COL4A1: variants seen among roughly 807,000 people sequenced by gnomAD.
COL4A1 encodes the protein collagen type IV alpha 1 chain, also known as collagen alpha-1(IV) chain.
A neutral mutation model predicts 216.6 loss-of-function variants in COL4A1; 40 were observed. That is an observed-to-expected ratio of 0.18 (90% CI 0.14 to 0.24). The LOEUF (loss-of-function observed/expected upper bound fraction) is 0.24. Ranked by LOEUF, COL4A1 falls within the 10% of genes least tolerant of loss-of-function variation. The pLI, the probability that COL4A1 is intolerant of heterozygous loss-of-function variation, is 1.00. For synonymous variants in COL4A1, 839 were observed against 810.7 expected (o/e 1.03, Z -0.59); for missense variants, 1,628 against 2,196.8 (o/e 0.74, Z 5.18).
intron 18 of COL4A1, 34 bp downstream of exon 18, chr13:110,203,532 C>T (rs1879340915): frequency 1.2e-6 from 2 of 1,613,544 alleles, no homozygotes; most frequent in African/African-American, 1.3e-5. Context: ...TCCCCCAGCG[C>T]TCTCACAGAC....
intron 2 of COL4A1, among the ~76,000 whole-genome samples, chr13:110,237,042 G>A (rs1490290512): frequency 1.3e-5 from 2 of 152,102 alleles, no homozygotes; most frequent in Non-Finnish European, 1.5e-5. Flanking sequence ...GTCTGCCCAG[G>A]GCCCCAGAGG....
Position 110,208,801 on chromosome 13 carries a change from G to C in COL4A1, c.693+48C>G, listed in dbSNP as rs548391358. The C allele has an allele frequency of 5.1e-6, 8 of 1,575,380 alleles. No individual in the cohort carries two copies. The South Asian group carries it at 8.9e-5, about 17-fold the overall frequency. On this transcript the variant is annotated intron_variant, in intron 12 of 51. Transcript: ENST00000375820. The stretch of plus-strand genomic sequence containing the variant: ...TCCAAAGGTGGGAACTGTCAGGTGA[G>C]GACTGTGGTTTTCAACATGAAAGCA...
intron 2 of COL4A1, among the ~76,000 whole-genome samples, chr13:110,219,528 G>A (rs1280275154): frequency 6.6e-6 from 1 of 151,764 alleles, no homozygotes; most frequent in East Asian, 1.9e-4. Flanking sequence ...TGAATATCAG[G>A]AAATGTGTGC....
chr13:110,193,977 C>G (rs890415015), intron 22 of COL4A1, among the ~76,000 whole-genome samples: 1 of 152,122 alleles, frequency 6.6e-6, no homozygotes, highest in South Asian at 2.1e-4. Flanking sequence ...TGGGAAGACT[C>G]GAGAAGACAG....
At chr13:110,265,953 A>G (rs1883011851) in intron 1 of COL4A1, 1 of 152,070 alleles carries the variant, frequency 6.6e-6, no homozygotes, top group Admixed American at 6.6e-5. Flanking sequence ...GATGCCTGCA[A>G]GTGTGTGAGG....
chr13:110,306,116 C>G (rs982113940), intron 1 of COL4A1, among the ~76,000 whole-genome samples: 3 of 152,078 alleles, frequency 2.0e-5, no homozygotes, highest in Non-Finnish European at 4.4e-5. Flanking sequence ...CAGGCTTGTC[C>G]ACGGCTGGAA....
chr13:110,189,189 G>A (rs76352948), intron 24 of COL4A1, among the ~76,000 whole-genome samples: 4 of 152,246 alleles, frequency 2.6e-5, no homozygotes, highest in East Asian at 1.9e-4. Flanking sequence ...TCAGCCTTCC[G>A]AGCAGCTGGG....
intron 38 of COL4A1, 28 bp downstream of exon 38, chr13:110,174,595 A>G: frequency 1.2e-6 from 2 of 1,614,112 alleles, no homozygotes; most frequent in African/African-American, 1.3e-5. Context: ...TAGATTCCCC[A>G]AGTCCAAGAG....
chr13:110,200,787 T>C, intron 20 of COL4A1, 67 bp downstream of exon 20: 1 of 1,458,714 alleles, frequency 6.9e-7, no homozygotes, highest in South Asian at 1.1e-5. Flanking sequence ...ATAAATTATA[T>C]ATTCAGAATA....
chr13:110,214,291 T>C (rs1201935836), intron 2 of COL4A1, among the ~76,000 whole-genome samples: 1 of 152,078 alleles, frequency 6.6e-6, no homozygotes, highest in African/African-American at 2.4e-5. Context: ...GGTTTCACCA[T>C]GTTGGCCAGG....
At chr13:110,185,889 G>A (rs7326444) in intron 26 of COL4A1, among the ~76,000 whole-genome samples, 54,079 of 152,052 alleles carry the variant, frequency 0.36, 9,643 homozygotes, top group East Asian at 0.45. Context: ...AGAGCTTGGC[G>A]CGTGATTCAC....
chr13:110,295,600 AT>A (rs1212822879), intron 1 of COL4A1, among the ~76,000 whole-genome samples: 1 of 151,724 alleles, frequency 6.6e-6, no homozygotes, highest in Non-Finnish European at 1.5e-5. Context: ...CAATTTTTGT[AT>A]TTTTAGTAGA....
At chr13:110,230,368 C>T (rs1880977748) in intron 2 of COL4A1, among the ~76,000 whole-genome samples, 1 of 152,016 alleles carries the variant, frequency 6.6e-6, no homozygotes, top group Non-Finnish European at 1.5e-5. Context: ...GTAGAGAGGA[C>T]AAAGCACACA....
At chr13:110,264,379 T>C (rs1186772564) in intron 1 of COL4A1, among the ~76,000 whole-genome samples, 1 of 152,088 alleles carries the variant, frequency 6.6e-6, no homozygotes, top group Non-Finnish European at 1.5e-5. Flanking sequence ...GGTTCCCTCT[T>C]AAAACTCAAA....
chr13:110,254,366 T>C (rs984974727), intron 1 of COL4A1, among the ~76,000 whole-genome samples: 2 of 152,188 alleles, frequency 1.3e-5, no homozygotes, highest in East Asian at 3.8e-4. Context: ...CTTTGAAGCA[T>C]ATCATGAGGG....
At chr13:110,192,063 A>G in intron 24 of COL4A1, 151 bp downstream of exon 24, 4 of 764,024 alleles carry the variant, frequency 5.2e-6, no homozygotes, top group Admixed American at 2.0e-5. Flanking sequence ...CAAGGGCCGC[A>G]TGGAGTCACT....
Position 110,191,661 on chromosome 13 carries a change from ATGT to A in COL4A1, c.1536+550_1536+552del, listed in dbSNP as rs1486369731. Reference sequence around the variant, plus strand: ...ATTTGAAAAAGCAACTGCACAATAGATGTTGTAACAGAAATTTTCAACTGTAAG... The same window carrying A: ...ATTTGAAAAAGCAACTGCACAATAGATGTAACAGAAATTTTCAACTGTAAG... On this transcript the variant is annotated intron_variant, in intron 24 of 51. Coordinates refer to ENST00000375820, the MANE Select transcript of COL4A1 (RefSeq NM_001845.6). 8 of 686,362 alleles carry A rather than the reference ATGT, an allele frequency of 1.2e-5. No homozygotes were observed. The Admixed American group carries it at 1.5e-4, about 13-fold the overall frequency. 42.5% of individuals were successfully genotyped at this position (686,362 alleles called of 1,614,324 possible).
At position 110,228,279 on chromosome 13, in the gene COL4A1, G is replaced by A. The variant is rs568759957; in HGVS notation, c.145-14264C>T. On this transcript the variant is annotated intron_variant, in intron 2 of 51. Transcript: ENST00000375820. ...TCAGGAACAAAATATTGGACAGGATGGAAAAGAACATGTGTGTTCTTCTCT... is the reference window on the plus strand; with the variant it reads ...TCAGGAACAAAATATTGGACAGGATAGAAAAGAACATGTGTGTTCTTCTCT... Among the ~76,000 whole-genome samples the A allele has an allele frequency of 1.4e-4, 22 of 152,140 alleles. No homozygotes were observed. In the East Asian group the frequency reaches 4.3e-3, roughly 29 times the overall value.
rs1308585000 is a variant in COL4A1, at chr13:110,205,347, G to GT, written c.957+5dup. 2 of 1,613,976 alleles carry GT rather than the reference G, an allele frequency of 1.2e-6. No homozygotes were observed. Among genetic ancestry groups the GT allele is most frequent in the Admixed American group, 1.7e-5 (1 of 60,014 alleles). On this transcript the variant is annotated splice_donor_region_variant and intron_variant, in intron 17 of 51. Coordinates refer to ENST00000375820, the MANE Select transcript of COL4A1 (RefSeq NM_001845.6). ...GATAAAGGCTCACAATAGTGCCAGC[G>GT]TTTACCTGCGGGCCCTGGCGGCCTA...
Sources: gnomAD v4.1 joint callset for allele counts (sites outside exome capture counted in the v4.1 genomes callset) on GRCh38, gnomAD v4.1.1 for gene constraint, MANE v1.5 for transcripts, NCBI Gene and HGNC (gene_info 2026-07-23, HGNC 2026-07-21) for gene names.